The following DRD3 variants were observed in gnomAD, a reference collection of about 807,000 sequenced individuals.
DRD3 encodes the protein dopamine receptor D3.
In DRD3, 19 loss-of-function variants were observed where a neutral mutation model predicts 36.3. That is an observed-to-expected ratio of 0.52 (90% confidence interval 0.36 to 0.77). DRD3 has a LOEUF of 0.77. Ranked by LOEUF, DRD3 falls within the 30% of genes least tolerant of loss-of-function variation. The pLI, the probability that DRD3 is intolerant of heterozygous loss-of-function variation, is 0.00. For synonymous variants in DRD3, 195 were observed against 203.7 expected, an observed-to-expected ratio of 0.96 and a Z score of 0.36; for missense variants, 465 against 505.3, an observed-to-expected ratio of 0.92 and a Z score of 0.77.
chr3:114,155,148 A>C (rs2077653732), intron 3 of DRD3, among the ~76,000 whole-genome samples: 1 of 152,240 alleles, frequency 6.6e-6, no homozygotes, highest in African/African-American at 2.4e-5. Flanking sequence ...CAGATTGGTG[A>C]CTGGCATTGT....
intron 1 of DRD3, among the ~76,000 whole-genome samples, chr3:114,194,803 A>G (rs942699819): frequency 2.7e-5 from 4 of 150,630 alleles, no homozygotes; most frequent in African/African-American, 4.9e-5. Context: ...AAAGACTGAC[A>G]TGGTCTTGGG....
At chr3:114,149,525 A>G (rs1267006754) in intron 3 of DRD3, among the ~76,000 whole-genome samples, 1 of 152,198 alleles carries the variant, frequency 6.6e-6, no homozygotes, top group Non-Finnish European at 1.5e-5. Flanking sequence ...GGATGGCCCC[A>G]AGATTTCTGC....
In DRD3 at chr3:114,171,981, C is replaced by T; in HGVS notation, c.12G>A (p.Leu4=). 3.4e-6 allele frequency: 5 copies of T among 1,479,284 alleles called. No individual in the cohort carries two copies. The highest frequency in any genetic ancestry group is 4.5e-6 in the Non-Finnish European group (5 of 1,108,382). The allele number at this position is 1,479,284 out of a possible 1,614,324, so 91.6% of individuals were successfully genotyped here. A position where few individuals can be genotyped will look rare whatever the true frequency, so the allele number is the denominator to read the frequency against. MAS[L]SQLSGHLNYT... ...AGTTCAGGTGGCCACTCAGCTGGCTCAGAGATGCCATAGCCCAGAGGGAGG... is the reference window on the plus strand; with the variant it reads ...AGTTCAGGTGGCCACTCAGCTGGCTTAGAGATGCCATAGCCCAGAGGGAGG... Residue 4 remains leucine (L), a synonymous_variant, in exon 2 of 7, where the codon CTG becomes CTA. Transcript: ENST00000383673.
At chr3:114,159,079 G>A (rs577824213) in intron 3 of DRD3, among the ~76,000 whole-genome samples, 1 of 152,076 alleles carries the variant, frequency 6.6e-6, no homozygotes, top group East Asian at 1.9e-4. Flanking sequence ...GAGCAAGGGT[G>A]GTGAGTCCAG....
intron 2 of DRD3, among the ~76,000 whole-genome samples, chr3:114,166,815 CCTGTGGTTGGATCACA>C (rs1413642379): frequency 1.3e-5 from 2 of 152,128 alleles, no homozygotes; most frequent in Non-Finnish European, 2.9e-5. Flanking sequence ...CCAGGAATTT[CCTGTGGTTGGATCACA>C]CTGTGGAAAT....
chr3:114,145,093 C>T (rs577784112), intron 4 of DRD3, among the ~76,000 whole-genome samples: 2 of 152,118 alleles, frequency 1.3e-5, no homozygotes, highest in Non-Finnish European at 2.9e-5. Context: ...ACCGCCTCCA[C>T]CAAGAATGAG....
Position 114,140,729 on chromosome 3 carries a change from C to G in DRD3, c.527-1033G>C, listed in dbSNP as rs544033386. On this transcript the variant is annotated intron_variant, in intron 4 of 6. Coordinates refer to ENST00000383673, the MANE Select transcript of DRD3 (RefSeq NM_000796.6). ...TGTTCTTTCTATAATTTTAACTCCC[C>G]ATCCCTCTTTACCATTGTGACATGG... Among the ~76,000 whole-genome samples the G allele has an allele frequency of 5.3e-5, 8 of 152,310 alleles. No homozygotes were observed. The South Asian group carries it at 1.7e-3, about 32-fold the overall frequency.
At chr3:114,177,670 C>T (rs2077913932) in intron 1 of DRD3, among the ~76,000 whole-genome samples, 1 of 152,132 alleles carries the variant, frequency 6.6e-6, no homozygotes. Flanking sequence ...ATTAGGCACC[C>T]ATTTGGATAC....
chr3:114,153,840 G>A (rs2077640606), intron 3 of DRD3, among the ~76,000 whole-genome samples: 1 of 152,062 alleles, frequency 6.6e-6, no homozygotes, highest in Non-Finnish European at 1.5e-5. Context: ...ATATAGTGAG[G>A]GTATTACATC....
At chr3:114,166,158 G>A (rs148292042) in intron 2 of DRD3, among the ~76,000 whole-genome samples, 1 of 152,124 alleles carries the variant, frequency 6.6e-6, no homozygotes, top group East Asian at 1.9e-4. Flanking sequence ...GCTAATTTTT[G>A]TATTTTCAGT....
At chr3:114,190,472 T>A (rs2078005286) in intron 1 of DRD3, among the ~76,000 whole-genome samples, 12 of 32,440 alleles carry the variant, frequency 3.7e-4, no homozygotes, top group Non-Finnish European at 5.2e-4. Flanking sequence ...ATTTTTTTTT[T>A]TTTTTTTTTT....
chr3:114,190,937 G>A (rs908024909), intron 1 of DRD3, among the ~76,000 whole-genome samples: 4 of 152,206 alleles, frequency 2.6e-5, no homozygotes, highest in South Asian at 2.1e-4. Flanking sequence ...CCAGAGAAGC[G>A]GGGGATTGAT....
Position 114,159,887 on chromosome 3 carries a change from A to G in DRD3, c.271-20T>C. ...TGTCACCTGGGTATCAGAGACAAGG[A>G]TGTTAGTGTTTACCCCAGTGAAGGA... On this transcript the variant is annotated intron_variant, in intron 2 of 6. Transcript: ENST00000383673. 6.2e-7 allele frequency: 1 copy of G among 1,609,204 alleles called. No individual in the cohort carries two copies. Among genetic ancestry groups the G allele is most frequent in the Non-Finnish European group, 8.5e-7 (1 of 1,175,572 alleles).
intron 1 of DRD3, among the ~76,000 whole-genome samples, chr3:114,190,462 ATTTTTTTTTTTTTTTTTTTTT>A (rs55938654): frequency 0.02 from 162 of 7,978 alleles, no homozygotes; most frequent in Middle Eastern, 0.1. Flanking sequence ...ATATATATAT[ATTTTTTTTTTTTTTTTTTTTT>A]TTTTTTTTTT....
chr3:114,130,650 C>A (rs887608837), intron 6 of DRD3, among the ~76,000 whole-genome samples: 2 of 152,094 alleles, frequency 1.3e-5, no homozygotes, highest in African/African-American at 4.8e-5. Flanking sequence ...GTCTCGATCT[C>A]CTGACCTCGT....
chr3:114,143,274 G>C (rs2077542635), intron 4 of DRD3, among the ~76,000 whole-genome samples: 1 of 152,262 alleles, frequency 6.6e-6, no homozygotes, highest in East Asian at 1.9e-4. Context: ...GAGAAGGCCT[G>C]TGCCGGGGGA....
chr3:114,131,510 T>C (rs1326492802), intron 5 of DRD3, 110 bp from the exon 6 acceptor site: 36 of 1,404,810 alleles, frequency 2.6e-5, no homozygotes, highest in Non-Finnish European at 3.4e-5. Flanking sequence ...AACACAGTTG[T>C]GGGAAACCTA....
intron 5 of DRD3, among the ~76,000 whole-genome samples, chr3:114,131,814 C>A (rs1327079279): frequency 1.3e-5 from 2 of 152,178 alleles, no homozygotes; most frequent in African/African-American, 2.4e-5. Context: ...TAAAAGAAAG[C>A]TTGTCATCAC....
intron 4 of DRD3, among the ~76,000 whole-genome samples, chr3:114,140,148 A>G (rs2077512560): frequency 6.6e-6 from 1 of 152,186 alleles, no homozygotes; most frequent in South Asian, 2.1e-4. Flanking sequence ...GCATTGGAGA[A>G]TTGTTTGAAT....
Sources: allele counts gnomAD v4.1 joint callset (sites outside exome capture counted in the v4.1 genomes callset), GRCh38; gene constraint gnomAD v4.1.1; transcripts MANE v1.5; gene names NCBI Gene and HGNC (gene_info 2026-07-23, HGNC 2026-07-21).